The following KHDRBS2 variants were observed in gnomAD, a reference collection of about 807,000 sequenced individuals.
KHDRBS2 encodes KH domain-containing, RNA-binding, signal transduction-associated protein 2.
In KHDRBS2, 26 loss-of-function variants were observed where a neutral mutation model predicts 44.3. The ratio of observed to expected loss-of-function variants is 0.59; its 90% confidence interval spans 0.43 to 0.81. The LOEUF (loss-of-function observed/expected upper bound fraction) is 0.81, where lower values mean the gene tolerates loss of function less well. Ranked by LOEUF, KHDRBS2 falls within the 40% of genes least tolerant of loss-of-function variation. KHDRBS2 has a pLI of 0.00. For synonymous variants in KHDRBS2, 194 were observed against 151.1 expected, an observed-to-expected ratio of 1.28 and a Z score of -2.08; for missense variants, 476 against 433.1, an observed-to-expected ratio of 1.10 and a Z score of -0.88.
intron 6 of KHDRBS2, among the ~76,000 whole-genome samples, chr6:61,865,399 A>T (rs521665): frequency 0.59 from 89,038 of 151,954 alleles, 26,274 homozygotes; most frequent in South Asian, 0.68. Context: ...GGAGTAAGTC[A>T]TGTCTTATAT....
In KHDRBS2 at chr6:61,909,224, G is replaced by T. The variant is rs549545278; in HGVS notation, c.484-7853C>A. Among the ~76,000 whole-genome samples the T allele has an allele frequency of 1.7e-3, 253 of 151,870 alleles. 1 individual carries two copies. Among genetic ancestry groups the T allele is most frequent in the African/African-American group, 6.0e-3 (247 of 41,410 alleles). On this transcript the variant is annotated intron_variant, in intron 4 of 8. Coordinates refer to ENST00000281156, the MANE Select transcript of KHDRBS2 (RefSeq NM_152688.4). ...TGGGACCACAGGTGCAGGCCACCAT[G>T]CCCAGCTAATTTTTTTGTATTTTTG...
At chr6:61,825,518 G>GA (rs1356219305) in intron 6 of KHDRBS2, among the ~76,000 whole-genome samples, 1 of 152,170 alleles carries the variant, frequency 6.6e-6, no homozygotes, top group African/African-American at 2.4e-5. Context: ...ATTTTGAGTA[G>GA]AAAATGCATT....
chr6:62,276,075 T>C (rs572370091), intron 1 of KHDRBS2, among the ~76,000 whole-genome samples: 1 of 152,322 alleles, frequency 6.6e-6, no homozygotes, highest in African/African-American at 2.4e-5. Flanking sequence ...TTATCTAGCA[T>C]ACAACGCTAT....
At chr6:61,899,743 C>G (rs79241748) in intron 5 of KHDRBS2, among the ~76,000 whole-genome samples, 2 of 140,042 alleles carry the variant, frequency 1.4e-5, no homozygotes, top group Non-Finnish European at 3.1e-5. Context: ...GCCCCCCCCC[C>G]GCATTTTAAG....
intron 2 of KHDRBS2, among the ~76,000 whole-genome samples, chr6:62,124,431 G>T (rs1465483129): frequency 1.3e-5 from 2 of 152,044 alleles, no homozygotes; most frequent in Non-Finnish European, 2.9e-5. Context: ...CAGGTGCTGT[G>T]GACTCACAAA....
At chr6:61,887,511 A>G (rs1044449721) in intron 6 of KHDRBS2, among the ~76,000 whole-genome samples, 1 of 152,180 alleles carries the variant, frequency 6.6e-6, no homozygotes, top group Non-Finnish European at 1.5e-5. Context: ...ATTTTTTAAG[A>G]CTCAGCTAAC....
chr6:61,705,093 C>T (rs774838420), intron 7 of KHDRBS2, among the ~76,000 whole-genome samples: 1 of 151,812 alleles, frequency 6.6e-6, no homozygotes, highest in Non-Finnish European at 1.5e-5. Flanking sequence ...TTTGTAAAAT[C>T]TGATATTTTG....
chr6:61,774,872 C>T (rs1781675808), intron 6 of KHDRBS2, among the ~76,000 whole-genome samples: 1 of 152,108 alleles, frequency 6.6e-6, no homozygotes. Context: ...CCCTGATGAA[C>T]ATCAATGCAA....
At chr6:62,236,039 T>C (rs1833652512) in intron 1 of KHDRBS2, among the ~76,000 whole-genome samples, 1 of 152,118 alleles carries the variant, frequency 6.6e-6, no homozygotes, top group Non-Finnish European at 1.5e-5. Flanking sequence ...AAAGTAAAAA[T>C]CAAAATCGTT....
intron 7 of KHDRBS2, among the ~76,000 whole-genome samples, chr6:61,729,170 C>T (rs1261896035): frequency 6.6e-6 from 1 of 152,094 alleles, no homozygotes; most frequent in Non-Finnish European, 1.5e-5. Flanking sequence ...AGATCATGTC[C>T]TTTGTAGGCA....
chr6:62,104,895 G>A (rs1057352579), intron 2 of KHDRBS2, among the ~76,000 whole-genome samples: 1 of 152,040 alleles, frequency 6.6e-6, no homozygotes, highest in African/African-American at 2.4e-5. Context: ...AGCCTTCTGT[G>A]AGACTTGTAA....
chr6:61,950,913 T>C (rs1417599844), intron 4 of KHDRBS2, among the ~76,000 whole-genome samples: 1 of 152,042 alleles, frequency 6.6e-6, no homozygotes, highest in Non-Finnish European at 1.5e-5. Context: ...AGGAAATGTA[T>C]GTACAAATTT....
intron 1 of KHDRBS2, among the ~76,000 whole-genome samples, chr6:62,252,478 T>C (rs900474340): frequency 1.3e-5 from 2 of 152,046 alleles, no homozygotes; most frequent in Admixed American, 6.6e-5. Context: ...TTATTATAGA[T>C]ATTGGATTTT....
At chr6:62,084,451 GA>G (rs1313723412) in intron 2 of KHDRBS2, among the ~76,000 whole-genome samples, 9 of 152,068 alleles carry the variant, frequency 5.9e-5, no homozygotes, top group Non-Finnish European at 1.3e-4. Context: ...AATCAGTAAA[GA>G]AAAAAGTTAT....
chr6:62,266,608 T>A (rs1054224909), intron 1 of KHDRBS2, among the ~76,000 whole-genome samples: 4 of 151,982 alleles, frequency 2.6e-5, no homozygotes, highest in Non-Finnish European at 5.9e-5. Flanking sequence ...ATAAATTACC[T>A]GCATTTCAAA....
chr6:61,765,998 G>A (rs1779958192), intron 6 of KHDRBS2, among the ~76,000 whole-genome samples: 1 of 151,968 alleles, frequency 6.6e-6, no homozygotes, highest in African/African-American at 2.4e-5. Flanking sequence ...TGCCTCATAG[G>A]ATGAATTTGG....
At chr6:62,282,304 T>C (rs1220513062) in intron 1 of KHDRBS2, among the ~76,000 whole-genome samples, 1 of 152,208 alleles carries the variant, frequency 6.6e-6, no homozygotes, top group Admixed American at 6.5e-5. Flanking sequence ...GTCAAACTTT[T>C]TACTAAAGTT....
the KHDRBS2 span, among the ~76,000 whole-genome samples, chr6:61,668,733 T>G: frequency 6.6e-6 from 1 of 151,008 alleles, no homozygotes; most frequent in African/African-American, 2.4e-5. Context: ...TTAAGCTACA[T>G]TCTTTTTCTT....
rs140891897 is a variant in KHDRBS2, at chr6:61,799,911, G to A, written c.811-67147C>T. 3.7e-3 allele frequency among the ~76,000 whole-genome samples: 566 copies of A among 152,124 alleles called. 3 individuals carry two copies. The highest frequency in any genetic ancestry group is 0.013 in the African/African-American group (528 of 41,520). On this transcript the variant is annotated intron_variant, in intron 6 of 8. Transcript: ENST00000281156. ...AAGTGATGAAGTAGTAAGTTCATGT[G>A]TATGCATGTGTATGCATCAAAACAC...
Sources: gnomAD v4.1 joint callset for allele counts (sites outside exome capture counted in the v4.1 genomes callset) on GRCh38, gnomAD v4.1.1 for gene constraint, MANE v1.5 for transcripts, NCBI Gene and HGNC (gene_info 2026-07-23, HGNC 2026-07-21) for gene names.